Variants in DLG2 observed in about 807,000 individuals in gnomAD.
DLG2 encodes discs large MAGUK scaffold protein 2.
DLG2 carries 45 observed loss-of-function variants against 132.5 expected under a neutral mutation model. The ratio of observed to expected loss-of-function variants is 0.34; its 90% CI spans 0.27 to 0.44. The LOEUF (loss-of-function observed/expected upper bound fraction) is 0.44. Ranked by LOEUF, DLG2 falls within the 20% of genes least tolerant of loss-of-function variation. DLG2 has a pLI of 1.00. For missense variants in DLG2, 1,045 were observed against 1,196.9 expected (o/e 0.87, Z 1.87); for synonymous variants, 424 against 419.6 (o/e 1.01, Z -0.13).
intron 18 of DLG2, among the ~76,000 whole-genome samples, chr11:83,738,393 C>G (rs2092191329): frequency 6.6e-6 from 1 of 152,002 alleles, no homozygotes; most frequent in African/African-American, 2.4e-5. Flanking sequence ...TTGGGGGCTG[C>G]TCCCCAAAGA....
At chr11:84,437,457 G>A (rs541130599) in intron 7 of DLG2, 1 of 152,188 alleles carries the variant, frequency 6.6e-6, no homozygotes, top group South Asian at 2.1e-4. Context: ...ACCAGATAGA[G>A]GCAAACATAG....
chr11:84,454,876 G>C (rs1181795750), intron 7 of DLG2, among the ~76,000 whole-genome samples: 1 of 151,378 alleles, frequency 6.6e-6, no homozygotes, highest in Non-Finnish European at 1.5e-5. Flanking sequence ...GGGAACTTTA[G>C]GGGATGATGG....
intron 9 of DLG2, among the ~76,000 whole-genome samples, chr11:84,102,955 C>T (rs1313592421): frequency 6.6e-6 from 1 of 152,080 alleles, no homozygotes; most frequent in African/African-American, 2.4e-5. Context: ...CAGACCCACT[C>T]TGAGGAAAAG....
intron 15 of DLG2, among the ~76,000 whole-genome samples, chr11:83,883,218 AT>A (rs1303223413): frequency 6.6e-6 from 1 of 151,846 alleles, no homozygotes; most frequent in African/African-American, 2.4e-5. Flanking sequence ...GAGGGTCAAG[AT>A]TTTTTCTGGA....
chr11:84,504,495 T>G (rs2099232564), intron 7 of DLG2, among the ~76,000 whole-genome samples: 1 of 152,206 alleles, frequency 6.6e-6, no homozygotes, highest in African/African-American at 2.4e-5. Flanking sequence ...TACTTATTTA[T>G]CAAAGATACA....
chr11:84,350,182 C>CCG lies in DLG2; in HGVS notation c.520-98892_520-98891insCG, dbSNP rs1491248613. ...GACAGAGAGAGACTTCGTCCCCCCC[C>CCG]CCAAAAAAAAAAAAAAAAAATCCAG... On this transcript the variant is annotated intron_variant, in intron 7 of 27. Transcript: ENST00000376104. Among the ~76,000 whole-genome samples the CCG allele has an allele frequency of 3.1e-4, 44 of 142,508 alleles. No individual in the cohort carries two copies. In the East Asian group the frequency reaches 8.3e-3, roughly 27 times the overall value. The allele number at this position is 142,508 out of a possible 152,430, so 93.5% of individuals were successfully genotyped here.
chr11:84,821,620 T>C (rs866051711), intron 6 of DLG2, among the ~76,000 whole-genome samples: 69 of 115,590 alleles, frequency 6.0e-4, no homozygotes, highest in Middle Eastern at 0.013. Context: ...CTATGGTTCA[T>C]ACAATGTAAA....
chr11:85,159,728 T>G (rs1024626292), intron 4 of DLG2, among the ~76,000 whole-genome samples: 3 of 152,218 alleles, frequency 2.0e-5, no homozygotes, highest in Non-Finnish European at 4.4e-5. Flanking sequence ...TTTTCTCCAT[T>G]CCTGTTCATA....
intron 3 of DLG2, among the ~76,000 whole-genome samples, chr11:85,413,628 C>T (rs1386338026): frequency 2.6e-5 from 4 of 151,986 alleles, no homozygotes; most frequent in African/African-American, 4.8e-5. Flanking sequence ...ATGTGGCTAG[C>T]CAATTATTCC....
At chr11:84,902,124 TA>T (rs1283640314) in intron 6 of DLG2, among the ~76,000 whole-genome samples, 1 of 152,124 alleles carries the variant, frequency 6.6e-6, no homozygotes, top group Non-Finnish European at 1.5e-5. Context: ...GGCAATTTTG[TA>T]AAATTCTTGA....
intron 2 of DLG2, among the ~76,000 whole-genome samples, chr11:85,600,417 G>A (rs2080073250): frequency 6.6e-6 from 1 of 152,108 alleles, no homozygotes; most frequent in South Asian, 2.1e-4. Flanking sequence ...AGGTGTGCTG[G>A]TAAATACTTA....
chr11:85,522,650 G>T (rs141491204), intron 3 of DLG2, among the ~76,000 whole-genome samples: 44 of 152,346 alleles, frequency 2.9e-4, no homozygotes, highest in Non-Finnish European at 5.4e-4. Context: ...GTTTGCATCA[G>T]CATGAACTGG....
At chr11:84,184,963 G>A (rs1346888482) in intron 8 of DLG2, among the ~76,000 whole-genome samples, 1 of 152,144 alleles carries the variant, frequency 6.6e-6, no homozygotes, top group Non-Finnish European at 1.5e-5. Flanking sequence ...ATGCTGTTTT[G>A]GTTACTGTAG....
At chr11:83,575,607 A>G (rs947798938) in intron 19 of DLG2, among the ~76,000 whole-genome samples, 95 of 152,208 alleles carry the variant, frequency 6.2e-4, no homozygotes, top group African/African-American at 2.2e-3. Flanking sequence ...TGGCATTTGT[A>G]AAGGGCTGAG....
At chr11:84,685,878 G>A (rs997496310) in intron 6 of DLG2, among the ~76,000 whole-genome samples, 1 of 152,066 alleles carries the variant, frequency 6.6e-6, no homozygotes, top group African/African-American at 2.4e-5. Flanking sequence ...TAGTAGAGAC[G>A]AGGTTTCACC....
intron 6 of DLG2, among the ~76,000 whole-genome samples, chr11:84,935,236 A>G (rs1371373397): frequency 6.6e-6 from 1 of 152,170 alleles, no homozygotes; most frequent in Non-Finnish European, 1.5e-5. Context: ...AAATCACCTA[A>G]ATGTTTTCCT....
chr11:84,986,581 C>A (rs2056517915), intron 6 of DLG2, among the ~76,000 whole-genome samples: 2 of 152,146 alleles, frequency 1.3e-5, no homozygotes, highest in South Asian at 4.1e-4. Context: ...CCACCATGAT[C>A]AAGTGGGTTT....
At chr11:85,377,348 T>G (rs975210725) in intron 3 of DLG2, among the ~76,000 whole-genome samples, 9 of 152,120 alleles carry the variant, frequency 5.9e-5, no homozygotes, top group African/African-American at 2.2e-4. Context: ...CTGTGTGAAC[T>G]TGGGCAAGTT....
intron 11 of DLG2, among the ~76,000 whole-genome samples, chr11:84,026,012 T>C (rs1046229242): frequency 2.0e-5 from 3 of 152,134 alleles, no homozygotes; most frequent in Non-Finnish European, 4.4e-5. Flanking sequence ...TTAAAAAAAA[T>C]TATTTCCAGA....
Sources: gnomAD v4.1 joint callset for allele counts (sites outside exome capture counted in the v4.1 genomes callset) on GRCh38, gnomAD v4.1.1 for gene constraint, MANE v1.5 for transcripts, NCBI Gene and HGNC (gene_info 2026-07-23, HGNC 2026-07-21) for gene names.